NAALADL2: variants seen among roughly 807,000 people sequenced by gnomAD.
NAALADL2 encodes the protein N-acetylated alpha-linked acidic dipeptidase like 2, also known as inactive N-acetylated-alpha-linked acidic dipeptidase-like protein 2.
NAALADL2 carries 76 observed loss-of-function variants against 87.2 expected under a neutral mutation model. The observed-to-expected ratio is 0.87, with a 90% CI of 0.72 to 1.05. The LOEUF is 1.05. Among genes scored for constraint, NAALADL2 ranks in the 50% least tolerant of loss-of-function variants. The probability of loss-of-function intolerance (pLI) is 0.00; values close to 1 mark genes in which losing one functional copy is unlikely to be tolerated. For missense variants in NAALADL2, 1,089 were observed against 945.8 expected (o/e 1.15, Z -1.99); for synonymous variants, 354 against 331.0 (o/e 1.07, Z -0.75).
intron 3 of NAALADL2, among the ~76,000 whole-genome samples, chr3:174,826,759 T>G (rs1159712549): frequency 6.6e-6 from 1 of 152,168 alleles, no homozygotes; most frequent in African/African-American, 2.4e-5. Flanking sequence ...AAAAGAAAAA[T>G]AAATCATTTT....
chr3:174,769,858 C>T (rs1430072624), intron 3 of NAALADL2, among the ~76,000 whole-genome samples: 2 of 151,596 alleles, frequency 1.3e-5, no homozygotes, highest in Non-Finnish European at 2.9e-5. Flanking sequence ...AACCCTGTTG[C>T]CTGTTTTCTT....
At chr3:174,781,539 G>T (rs1405663643) in intron 3 of NAALADL2, among the ~76,000 whole-genome samples, 1 of 151,866 alleles carries the variant, frequency 6.6e-6, no homozygotes, top group Non-Finnish European at 1.5e-5. Context: ...AAATCTGTAG[G>T]TGATTATAAA....
At chr3:174,679,294 C>T (rs1228177227) in intron 2 of NAALADL2, among the ~76,000 whole-genome samples, 1 of 152,058 alleles carries the variant, frequency 6.6e-6, no homozygotes, top group African/African-American at 2.4e-5. Context: ...CACTGTTTCC[C>T]TCTTCAATGA....
chr3:175,118,012 A>T (rs1181883392), intron 2 of NAALADL2, among the ~76,000 whole-genome samples: 1 of 152,054 alleles, frequency 6.6e-6, no homozygotes, highest in Non-Finnish European at 1.5e-5. Context: ...AACTATTGCA[A>T]GGACAGAAAA....
At chr3:175,092,205 T>C (rs1300467844) in intron 1 of NAALADL2, among the ~76,000 whole-genome samples, 1 of 150,204 alleles carries the variant, frequency 6.7e-6, no homozygotes, top group African/African-American at 2.5e-5. Context: ...AAATTTTAAG[T>C]ATTTAAGCAT....
At chr3:175,647,882 T>A (rs1582763324) in intron 11 of NAALADL2, among the ~76,000 whole-genome samples, 2 of 152,334 alleles carry the variant, frequency 1.3e-5, no homozygotes, top group Non-Finnish European at 1.5e-5. Flanking sequence ...GTTAGTTCTC[T>A]GTATTTATTG....
At chr3:174,576,019 A>G (rs1424768269) in intron 2 of NAALADL2, among the ~76,000 whole-genome samples, 2 of 151,970 alleles carry the variant, frequency 1.3e-5, no homozygotes, top group African/African-American at 4.8e-5. Context: ...ATGCACCACC[A>G]TGCCTGGCTA....
intron 10 of NAALADL2, among the ~76,000 whole-genome samples, chr3:175,587,756 A>G (rs1720744895): frequency 6.6e-6 from 1 of 151,858 alleles, no homozygotes; most frequent in Non-Finnish European, 1.5e-5. Flanking sequence ...GCCTACTTTG[A>G]CCCCGTCTCG....
At position 175,804,722 on chromosome 3, in the gene NAALADL2, C is replaced by T. The variant is rs946845498; in HGVS notation, c.*1519C>T. 1.3e-5 allele frequency: 2 copies of T among 151,578 alleles called. No individual in the cohort carries two copies. The highest frequency in any genetic ancestry group is 4.8e-5 in the African/African-American group (2 of 41,298). The allele number at this position is 151,578 out of a possible 1,614,324, so 9.4% of individuals were successfully genotyped here. Reference sequence around the variant, plus strand: ...CATAAACCTAGTCTTAGTTTAAAGGCAAACTAAAGTTGAGGGGAAATAATT... The same window carrying T: ...CATAAACCTAGTCTTAGTTTAAAGGTAAACTAAAGTTGAGGGGAAATAATT... On this transcript the variant is annotated 3_prime_UTR_variant, in exon 14 of 14. Coordinates refer to ENST00000454872, the MANE Select transcript of NAALADL2 (RefSeq NM_207015.3).
chr3:174,711,694 G>C (rs1048124845), intron 2 of NAALADL2, among the ~76,000 whole-genome samples: 2 of 152,108 alleles, frequency 1.3e-5, no homozygotes, highest in African/African-American at 4.8e-5. Flanking sequence ...GTGTTTGTTT[G>C]TTGGTAAATC....
intron 2 of NAALADL2, among the ~76,000 whole-genome samples, chr3:175,128,508 T>C (rs970528848): frequency 3.3e-5 from 5 of 152,200 alleles, no homozygotes; most frequent in African/African-American, 1.2e-4. Context: ...CCTGCTGAGA[T>C]TTCATTTATT....
At chr3:174,499,892 T>C (rs1718782251) in intron 1 of NAALADL2, among the ~76,000 whole-genome samples, 1 of 152,106 alleles carries the variant, frequency 6.6e-6, no homozygotes, top group Non-Finnish European at 1.5e-5. Context: ...CGTTTTCAGT[T>C]ATTTTGGCTA....
intron 11 of NAALADL2, among the ~76,000 whole-genome samples, chr3:175,681,031 T>A (rs1010699819): frequency 6.6e-6 from 1 of 152,072 alleles, no homozygotes; most frequent in African/African-American, 2.4e-5. Flanking sequence ...GGGAATCACT[T>A]AAACCCGGGA....
At chr3:174,595,252 C>T (rs1243877532) in intron 2 of NAALADL2, among the ~76,000 whole-genome samples, 1 of 152,092 alleles carries the variant, frequency 6.6e-6, no homozygotes, top group Non-Finnish European at 1.5e-5. Flanking sequence ...CCTCTGCCCG[C>T]TTCTTGTCTC....
At chr3:175,079,769 G>T (rs558626925) in intron 1 of NAALADL2, among the ~76,000 whole-genome samples, 3 of 152,232 alleles carry the variant, frequency 2.0e-5, no homozygotes, top group African/African-American at 7.2e-5. Context: ...GATTCCTGAA[G>T]GAGCAAAGAC....
chr3:175,410,701 T>C (rs1713344818), intron 5 of NAALADL2, among the ~76,000 whole-genome samples: 1 of 152,162 alleles, frequency 6.6e-6, no homozygotes, highest in African/African-American at 2.4e-5. Context: ...ACCTAGACTT[T>C]TATGGGAAGT....
chr3:174,918,613 CT>C (rs1734730931), intron 1 of NAALADL2, among the ~76,000 whole-genome samples: 1 of 152,130 alleles, frequency 6.6e-6, no homozygotes, highest in South Asian at 2.1e-4. Context: ...CAATTGAGCT[CT>C]CTTCCACTGA....
chr3:175,069,146 C>A (rs947791835), intron 1 of NAALADL2, among the ~76,000 whole-genome samples: 108 of 149,910 alleles, frequency 7.2e-4, no homozygotes, highest in African/African-American at 2.6e-3. Flanking sequence ...GCAACAAAAG[C>A]CAAAATTGAC....
chr3:174,661,449 T>C (rs1259431838), intron 2 of NAALADL2, among the ~76,000 whole-genome samples: 1 of 152,142 alleles, frequency 6.6e-6, no homozygotes. Flanking sequence ...TTAATAACTT[T>C]TTACTATAGT....
Sources: gnomAD v4.1 joint callset for allele counts (sites outside exome capture counted in the v4.1 genomes callset) on GRCh38, gnomAD v4.1.1 for gene constraint, MANE v1.5 for transcripts, NCBI Gene and HGNC (gene_info 2026-07-23, HGNC 2026-07-21) for gene names.